Variants in RPTOR observed in about 807,000 individuals in gnomAD.
The protein encoded by RPTOR is regulatory associated protein of MTOR complex 1.
In RPTOR, 21 loss-of-function variants were observed where a neutral mutation model predicts 169.9. That is an observed-to-expected ratio of 0.12 (90% CI 0.09 to 0.18). RPTOR has a LOEUF of 0.18. RPTOR is among the 10% of genes least tolerant of loss of function. The pLI is 1.00. For synonymous variants in RPTOR, 732 were observed against 753.2 expected, an observed-to-expected ratio of 0.97 and a Z score of 0.46; for missense variants, 1,133 against 1,855.9, an observed-to-expected ratio of 0.61 and a Z score of 7.16.
chr17:80,597,270 G>A (rs1474725100), intron 1 of RPTOR, among the ~76,000 whole-genome samples: 1 of 152,168 alleles, frequency 6.6e-6, no homozygotes, highest in East Asian at 1.9e-4. Flanking sequence ...AGAAGGGACA[G>A]GGAATGCGGA....
chr17:80,559,200 C>T (rs2084447913), intron 1 of RPTOR, among the ~76,000 whole-genome samples: 1 of 152,192 alleles, frequency 6.6e-6, no homozygotes, highest in Admixed American at 6.5e-5. Context: ...CTAGTCTTTC[C>T]TCATATTCAC....
At position 80,906,777 on chromosome 17, in the gene RPTOR, G is replaced by A. The variant is rs145262291; in HGVS notation, c.2402-2034G>A. On this transcript the variant is annotated intron_variant, in intron 20 of 33. Coordinates refer to ENST00000306801, the MANE Select transcript of RPTOR (RefSeq NM_020761.3). ...GCAGCGTGACCTCCTAGATGGCAGC[G>A]TGACCTCCTAGATGGCAGCTGAGCT... Among the ~76,000 whole-genome samples the A allele has an allele frequency of 2.8e-3, 421 of 151,980 alleles. 1 individual carries two copies. The highest frequency in any genetic ancestry group is 4.3e-3 in the African/African-American group (177 of 41,496).
rs2067373032 is a variant in RPTOR, at chr17:80,820,985, GC to G, written c.891-1215del. Among the ~76,000 whole-genome samples, 1 of 152,232 alleles carries G rather than the reference GC, an allele frequency of 6.6e-6. No individual in the cohort carries two copies. Among genetic ancestry groups the G allele is most frequent in the Admixed American group, 6.5e-5 (1 of 15,288 alleles). ...TGAGACTTCCGGCATTGTTTGAGCA[GC>G]AGTGCTGCTTTAGAATATTATACTA... On this transcript the variant is annotated intron_variant, in intron 7 of 33. Transcript: ENST00000306801. The surrounding 1 kb of genome is among the most constrained non-coding windows in gnomAD (Gnocchi z 4.1).
chr17:80,767,254 C>A (rs559643434), intron 6 of RPTOR, among the ~76,000 whole-genome samples: 59 of 152,160 alleles, frequency 3.9e-4, no homozygotes, highest in African/African-American at 1.4e-3. Context: ...GCTTGTAGTC[C>A]CAGCTACTTG....
rs896309439 is a variant in RPTOR, at chr17:80,721,167, A to T, written c.508-9393A>T. 6.6e-6 allele frequency among the ~76,000 whole-genome samples: 1 copy of T among 150,866 alleles called. No individual in the cohort carries two copies. Among genetic ancestry groups the T allele is most frequent in the Middle Eastern group, 3.4e-3 (1 of 294 alleles). On this transcript the variant is annotated intron_variant, in intron 4 of 33. Coordinates refer to ENST00000306801, the MANE Select transcript of RPTOR (RefSeq NM_020761.3). The surrounding 1 kb of genome is among the most constrained non-coding windows in gnomAD (Gnocchi z 4.7). Reference sequence around the variant, plus strand: ...GGGAGTGCGAGGGGGCTCTGGTGACAGGAAGTAGTCCCCTCTGACCCGGTG... The same window carrying T: ...GGGAGTGCGAGGGGGCTCTGGTGACTGGAAGTAGTCCCCTCTGACCCGGTG...
At chr17:80,778,321 C>G (rs573709053) in intron 6 of RPTOR, among the ~76,000 whole-genome samples, 1 of 152,278 alleles carries the variant, frequency 6.6e-6, no homozygotes, top group African/African-American at 2.4e-5. Flanking sequence ...CTATGTTCTT[C>G]CTTAGCAAAC....
intron 9 of RPTOR, among the ~76,000 whole-genome samples, chr17:80,833,326 C>G (rs991930578): frequency 1.1e-4 from 16 of 152,212 alleles, no homozygotes; most frequent in Non-Finnish European, 2.2e-4. Flanking sequence ...GGGGAGGAGC[C>G]CACGATGCAG....
chr17:80,577,033 C>CTTT lies in RPTOR; in HGVS notation c.162+31255_162+31257dup, dbSNP rs11451555. 1.7e-4 allele frequency among the ~76,000 whole-genome samples: 24 copies of CTTT among 142,790 alleles called. 1 individual carries two copies. The highest frequency in any genetic ancestry group is 3.5e-4 in the Admixed American group (5 of 14,248). The allele number at this position is 142,790 out of a possible 152,430, so 93.7% of individuals were successfully genotyped here. A position where few individuals can be genotyped will look rare whatever the true frequency, so the allele number is the denominator to read the frequency against. ...AAAATGTCTTTATTCAGTCATAATT[C>CTTT]TTTTTTTTTTTTTTTGAGATGAAGC... On this transcript the variant is annotated intron_variant, in intron 1 of 33. Transcript: ENST00000306801.
At chr17:80,777,282 T>C (rs1334493209) in intron 6 of RPTOR, among the ~76,000 whole-genome samples, 1 of 150,392 alleles carries the variant, frequency 6.6e-6, no homozygotes, top group Admixed American at 6.6e-5. Flanking sequence ...CGGAGGCCAG[T>C]GTGGGAGGAA....
intron 13 of RPTOR, among the ~76,000 whole-genome samples, chr17:80,864,196 A>C (rs72490481): frequency 1.3e-5 from 2 of 151,684 alleles, no homozygotes; most frequent in African/African-American, 4.8e-5. Flanking sequence ...ATCGCAATCA[A>C]ATTACTTGAA....
At chr17:80,837,156 G>T (rs2067572983) in intron 9 of RPTOR, among the ~76,000 whole-genome samples, 1 of 152,170 alleles carries the variant, frequency 6.6e-6, no homozygotes, top group East Asian at 1.9e-4. Context: ...AAGAGGGACA[G>T]TGTGGTCGGT....
rs1567846480 is a variant in RPTOR, at chr17:80,665,461, TCC to T, written c.348+21652_348+21653del. 9.4e-5 allele frequency among the ~76,000 whole-genome samples: 3 copies of T among 31,938 alleles called. 1 individual carries two copies. The highest frequency in any genetic ancestry group is 1.6e-4 in the Non-Finnish European group (3 of 18,534). 21.0% of individuals were successfully genotyped at this position (31,938 alleles called of 152,430 possible). A position where few individuals can be genotyped will look rare whatever the true frequency, so the allele number is the denominator to read the frequency against. ...TCCTTTCCTTTCCTTTCCTTTCCTTTCCTTTCCTTTCCTTTCCTTTCCTTTCC... is the reference window on the plus strand; with the variant it reads ...TCCTTTCCTTTCCTTTCCTTTCCTTTTTTCCTTTCCTTTCCTTTCCTTTCC... On this transcript the variant is annotated intron_variant, in intron 3 of 33. Coordinates refer to ENST00000306801, the MANE Select transcript of RPTOR (RefSeq NM_020761.3).
chr17:80,786,328 G>T (rs2066990959), intron 6 of RPTOR, among the ~76,000 whole-genome samples: 1 of 152,034 alleles, frequency 6.6e-6, no homozygotes, highest in Non-Finnish European at 1.5e-5. Context: ...GTAAATACAT[G>T]TGGGTTTTTT....
chr17:80,751,040 G>A (rs1447082626), intron 5 of RPTOR, among the ~76,000 whole-genome samples: 2 of 152,164 alleles, frequency 1.3e-5, no homozygotes, highest in Non-Finnish European at 2.9e-5. Context: ...GGTAGAATGG[G>A]TTATTAATAA....
chr17:80,867,540 G>A (rs1157319055), intron 13 of RPTOR, among the ~76,000 whole-genome samples: 1 of 152,116 alleles, frequency 6.6e-6, no homozygotes, highest in African/African-American at 2.4e-5. Context: ...GTAGTACAGT[G>A]AGTCAAGGAA....
At chr17:80,617,361 C>T (rs904120403) in intron 1 of RPTOR, among the ~76,000 whole-genome samples, 1 of 152,226 alleles carries the variant, frequency 6.6e-6, no homozygotes, top group African/African-American at 2.4e-5. Context: ...ATACAATTCA[C>T]ATACCCCAGA....
intron 6 of RPTOR, among the ~76,000 whole-genome samples, chr17:80,756,830 A>G (rs1350345879): frequency 6.6e-6 from 1 of 152,244 alleles, no homozygotes; most frequent in Non-Finnish European, 1.5e-5. Flanking sequence ...CAACTATCAT[A>G]TATCAATTTA....
intron 13 of RPTOR, among the ~76,000 whole-genome samples, chr17:80,866,054 T>C (rs1435232169): frequency 6.6e-6 from 1 of 151,828 alleles, no homozygotes; most frequent in East Asian, 1.9e-4. Flanking sequence ...AAATTTTAAG[T>C]AAATTAATAT....
intron 6 of RPTOR, among the ~76,000 whole-genome samples, chr17:80,784,811 G>T (rs1421546448): frequency 1.3e-5 from 2 of 151,814 alleles, no homozygotes; most frequent in Non-Finnish European, 2.9e-5. Context: ...TGATTCTCCT[G>T]CCTCAGCCTC....
Sources: allele counts gnomAD v4.1 joint callset (sites outside exome capture counted in the v4.1 genomes callset), GRCh38; gene constraint gnomAD v4.1.1; non-coding constraint Gnocchi (gnomAD v3.1); transcripts MANE v1.5; gene names NCBI Gene and HGNC (gene_info 2026-07-23, HGNC 2026-07-21).